Variants in DOCK3 observed in about 807,000 individuals in gnomAD.
DOCK3 encodes dedicator of cytokinesis protein 3.
Under a neutral mutation model 265.6 loss-of-function variants are expected in DOCK3, and 60 were observed. That is an observed-to-expected ratio of 0.23 (90% CI 0.18 to 0.28). The LOEUF (loss-of-function observed/expected upper bound fraction) is 0.28, where lower values mean the gene tolerates loss of function less well. Among genes scored for constraint, DOCK3 ranks in the 10% least tolerant of loss-of-function variants. The pLI, the probability that DOCK3 is intolerant of heterozygous loss-of-function variation, is 1.00. For missense variants in DOCK3, 1,981 were observed against 2,594.3 expected, an observed-to-expected ratio of 0.76 and a Z score of 5.14; for synonymous variants, 881 against 938.0, an observed-to-expected ratio of 0.94 and a Z score of 1.11.
intron 1 of DOCK3, among the ~76,000 whole-genome samples, chr3:50,758,196 AG>A (rs58472586): frequency 0.4 from 15,612 of 38,556 alleles, 4,556 homozygotes; most frequent in Non-Finnish European, 0.55. Context: ...AAAAAAAAAA[AG>A]AAAAAAAAAA....
intron 5 of DOCK3, among the ~76,000 whole-genome samples, chr3:50,982,684 C>T (rs2077737063): frequency 1.3e-5 from 2 of 152,188 alleles, no homozygotes; most frequent in African/African-American, 2.4e-5. Context: ...GAGCCAGGGA[C>T]AAGTGGGAGC....
chr3:50,985,744 T>C (rs1374380379), intron 5 of DOCK3, among the ~76,000 whole-genome samples: 8 of 152,042 alleles, frequency 5.3e-5, no homozygotes, highest in South Asian at 4.1e-4. Context: ...TATCATGTCT[T>C]AGGTCAGTGT....
At chr3:50,967,237 T>A (rs1453849551) in intron 5 of DOCK3, among the ~76,000 whole-genome samples, 6 of 152,208 alleles carry the variant, frequency 3.9e-5, no homozygotes, top group Non-Finnish European at 8.8e-5. Context: ...ATCCACTTTT[T>A]TAGCTCCCAC....
chr3:51,136,948 A>G (rs2084834212), intron 9 of DOCK3, among the ~76,000 whole-genome samples: 2 of 152,186 alleles, frequency 1.3e-5, no homozygotes, highest in South Asian at 2.1e-4. Context: ...GTTGAAAAGA[A>G]GAGAAAAGCT....
intron 12 of DOCK3, among the ~76,000 whole-genome samples, chr3:51,189,540 C>T (rs2087812943): frequency 6.6e-6 from 1 of 152,200 alleles, no homozygotes; most frequent in Non-Finnish European, 1.5e-5. Flanking sequence ...TGAGTTACTT[C>T]ACTTACAATA....
At chr3:51,271,956 C>G (rs1386922511) in intron 24 of DOCK3, among the ~76,000 whole-genome samples, 1 of 151,260 alleles carries the variant, frequency 6.6e-6, no homozygotes, top group African/African-American at 2.4e-5. Flanking sequence ...GGAGAACCAA[C>G]AAGGATTAGA....
intron 1 of DOCK3, among the ~76,000 whole-genome samples, chr3:50,772,317 T>G (rs1444347197): frequency 6.6e-6 from 1 of 151,998 alleles, no homozygotes; most frequent in East Asian, 1.9e-4. Context: ...GGTGGCTGGG[T>G]GAGGGGAGGT....
chr3:50,991,789 C>T (rs1413299296), intron 5 of DOCK3, among the ~76,000 whole-genome samples: 1 of 152,060 alleles, frequency 6.6e-6, no homozygotes, highest in Non-Finnish European at 1.5e-5. Context: ...ACAGAATATA[C>T]ATTCTTCTTA....
At chr3:51,053,067 A>G (rs1315686278) in intron 5 of DOCK3, among the ~76,000 whole-genome samples, 7 of 129,538 alleles carry the variant, frequency 5.4e-5, no homozygotes, top group Non-Finnish European at 9.8e-5. Flanking sequence ...TCATCTTTTA[A>G]AAAAGTCAAA....
intron 10 of DOCK3, among the ~76,000 whole-genome samples, chr3:51,147,952 C>T (rs2085384012): frequency 6.6e-6 from 1 of 152,176 alleles, no homozygotes; most frequent in South Asian, 2.1e-4. Flanking sequence ...TTTACACTCC[C>T]ATCAACAGTG....
intron 4 of DOCK3, among the ~76,000 whole-genome samples, chr3:50,913,779 T>C (rs897632681): frequency 2.0e-5 from 3 of 152,096 alleles, no homozygotes; most frequent in African/African-American, 7.3e-5. Context: ...CTCTCTTCAG[T>C]GCACAGGAAC....
intron 1 of DOCK3, among the ~76,000 whole-genome samples, chr3:50,714,845 A>C (rs909560580): frequency 1.3e-5 from 2 of 152,154 alleles, no homozygotes; most frequent in African/African-American, 4.8e-5. Context: ...CTCTTTGCAC[A>C]TGCTCTTCTA....
intron 5 of DOCK3, among the ~76,000 whole-genome samples, chr3:50,960,983 A>G (rs1575616388): frequency 6.6e-6 from 1 of 152,292 alleles, no homozygotes; most frequent in Admixed American, 6.5e-5. Flanking sequence ...AAATTAATTG[A>G]CCAAAAATAT....
At chr3:51,303,096 CT>C (rs1202596863) in intron 27 of DOCK3, among the ~76,000 whole-genome samples, 2 of 149,780 alleles carry the variant, frequency 1.3e-5, no homozygotes, top group East Asian at 3.9e-4. Flanking sequence ...ATTCTCATAG[CT>C]TTTGTTTGTT....
Position 51,338,386 on chromosome 3 carries a change from G to C in DOCK3, c.3639G>C (p.Glu1213Asp), listed in dbSNP as rs892573297. The C allele has an allele frequency of 6.4e-7, 1 of 1,551,696 alleles. No homozygotes were observed. Among genetic ancestry groups the C allele is most frequent in the African/African-American group, 1.4e-5 (1 of 73,056 alleles). ...ACTGCATGAAAGGAGAGGAAACAGA[G>C]AATAAGAAGATAGGCTGCACTGTTA... ...YRDCMKGEET[E>D]NKKIGCTVNL... The change falls in exon 36 of 53, where the codon GAG becomes GAC. Residue 1213 changes from glutamate (E) to aspartate (D), a missense_variant. Coordinates refer to ENST00000266037, the MANE Select transcript of DOCK3 (RefSeq NM_004947.5).
intron 3 of DOCK3, 44 bp from the exon 4 acceptor site, chr3:50,889,982 C>T: frequency 7.4e-7 from 1 of 1,347,598 alleles, no homozygotes; most frequent in East Asian, 3.0e-5. Context: ...AAATGTTAAT[C>T]ACAATTTTAT....
At position 50,728,791 on chromosome 3, in the gene DOCK3, C is replaced by T. The variant is rs377188284; in HGVS notation, c.38-49884C>T. Among the ~76,000 whole-genome samples the T allele has an allele frequency of 1.0e-4, 15 of 150,488 alleles. No homozygotes were observed. In the East Asian group the frequency reaches 1.2e-3, roughly 12 times the overall value. On this transcript the variant is annotated intron_variant, in intron 1 of 52. Coordinates refer to ENST00000266037, the MANE Select transcript of DOCK3 (RefSeq NM_004947.5). ...AGGCTGGAGTGCAGTGGTGCGATCT[C>T]GGCTCACTGCAACCTCTGCCTCCAG...
chr3:50,806,634 A>C (rs1267396541), intron 2 of DOCK3, among the ~76,000 whole-genome samples: 4 of 152,094 alleles, frequency 2.6e-5, no homozygotes, highest in South Asian at 2.1e-4. Context: ...CCTGCTGTGC[A>C]GGACTGGAGT....
chr3:51,197,495 G>A (rs1262186021), intron 12 of DOCK3, among the ~76,000 whole-genome samples: 1 of 152,192 alleles, frequency 6.6e-6, no homozygotes, highest in East Asian at 1.9e-4. Flanking sequence ...AGGAACTCGG[G>A]TGGCACATGC....
Sources: allele counts gnomAD v4.1 joint callset (sites outside exome capture counted in the v4.1 genomes callset), GRCh38; gene constraint gnomAD v4.1.1; transcripts MANE v1.5; gene names NCBI Gene and HGNC (gene_info 2026-07-23, HGNC 2026-07-21).